The following LHFPL2 variants were observed in gnomAD, a reference collection of about 807,000 sequenced individuals.
LHFPL2 encodes the protein LHFPL tetraspan subfamily member 2 protein.
Under a neutral mutation model 17.5 loss-of-function variants are expected in LHFPL2, and 7 were observed. That is an observed-to-expected ratio of 0.40 (90% CI 0.23 to 0.75). LHFPL2 has a LOEUF of 0.75. LHFPL2 is among the 30% of genes least tolerant of loss of function. LHFPL2 has a pLI of 0.37. For missense variants in LHFPL2, 241 were observed against 294.8 expected, an observed-to-expected ratio of 0.82 and a Z score of 1.34; for synonymous variants, 134 against 116.2, an observed-to-expected ratio of 1.15 and a Z score of -0.99.
chr5:78,610,185 G>A (rs1387536611), intron 2 of LHFPL2, among the ~76,000 whole-genome samples: 4 of 152,084 alleles, frequency 2.6e-5, no homozygotes, highest in Non-Finnish European at 2.9e-5. Context: ...TGACACCCAC[G>A]CCACACTGTA....
intron 2 of LHFPL2, among the ~76,000 whole-genome samples, chr5:78,569,795 G>A (rs554672055): frequency 2.0e-5 from 3 of 152,258 alleles, no homozygotes; most frequent in South Asian, 4.1e-4. Flanking sequence ...CAAAGACCTC[G>A]CGGACTCTAA....
intron 2 of LHFPL2, among the ~76,000 whole-genome samples, chr5:78,611,848 T>C (rs775594121): frequency 6.6e-5 from 10 of 152,150 alleles, no homozygotes; most frequent in South Asian, 2.1e-4. Context: ...ACTCAGAATA[T>C]ACGGAGGCCA....
intron 2 of LHFPL2, among the ~76,000 whole-genome samples, chr5:78,616,822 C>T (rs1321842949): frequency 6.6e-6 from 1 of 152,186 alleles, no homozygotes; most frequent in Non-Finnish European, 1.5e-5. Flanking sequence ...GACTGGTTTG[C>T]ATTTCGGCAG....
At chr5:78,561,899 C>A (rs962526677) in intron 3 of LHFPL2, among the ~76,000 whole-genome samples, 1 of 152,052 alleles carries the variant, frequency 6.6e-6, no homozygotes, top group Non-Finnish European at 1.5e-5. Flanking sequence ...TAGTAGAGGC[C>A]CCTTATGCTA....
intron 3 of LHFPL2, among the ~76,000 whole-genome samples, chr5:78,523,774 GT>G: frequency 6.6e-6 from 1 of 152,280 alleles, no homozygotes; most frequent in Non-Finnish European, 1.5e-5. Context: ...GCGCGCTGCA[GT>G]TTCACTAGAT....
intron 4 of LHFPL2, among the ~76,000 whole-genome samples, chr5:78,504,195 G>A (rs1295138918): frequency 6.6e-6 from 1 of 152,160 alleles, no homozygotes; most frequent in Admixed American, 6.5e-5. Flanking sequence ...GAAGTCCTCA[G>A]GGCCTTGTGC....
intron 3 of LHFPL2, among the ~76,000 whole-genome samples, chr5:78,559,693 CCAT>C (rs1300077076): frequency 3.9e-5 from 6 of 152,142 alleles, no homozygotes; most frequent in Non-Finnish European, 8.8e-5. Flanking sequence ...GTCCAATTTA[CCAT>C]CGAGTAAAGG....
intron 2 of LHFPL2, among the ~76,000 whole-genome samples, chr5:78,587,551 G>A (rs1743460177): frequency 6.6e-6 from 1 of 152,220 alleles, no homozygotes; most frequent in Non-Finnish European, 1.5e-5. Context: ...AACTGTGCTT[G>A]AAACTTAATT....
intron 2 of LHFPL2, among the ~76,000 whole-genome samples, chr5:78,627,436 C>G (rs1020019306): frequency 5.9e-5 from 9 of 152,282 alleles, no homozygotes; most frequent in African/African-American, 1.7e-4. Context: ...GGAATGGTGC[C>G]AGCTGGTGGC....
intron 3 of LHFPL2, among the ~76,000 whole-genome samples, chr5:78,554,611 T>C (rs2112398933): frequency 6.6e-6 from 1 of 152,342 alleles, no homozygotes; most frequent in South Asian, 2.1e-4. Context: ...AGCCACTTGA[T>C]ACAGATAAGG....
intron 2 of LHFPL2, among the ~76,000 whole-genome samples, chr5:78,617,755 A>G (rs1380576349): frequency 6.6e-6 from 1 of 152,230 alleles, no homozygotes; most frequent in Non-Finnish European, 1.5e-5. Context: ...TACTCTCCAG[A>G]TTAAACAGAA....
At chr5:78,593,932 T>C (rs545689897) in intron 2 of LHFPL2, among the ~76,000 whole-genome samples, 2 of 152,350 alleles carry the variant, frequency 1.3e-5, no homozygotes, top group South Asian at 4.1e-4. Flanking sequence ...ATCTCATTCC[T>C]ATTCGTCTTC....
chr5:78,624,850 C>G (rs1744975211), intron 2 of LHFPL2: 1 of 151,170 alleles, frequency 6.6e-6, no homozygotes, highest in African/African-American at 2.4e-5. Flanking sequence ...GTCACCCAGG[C>G]TGGAGTACAG....
intron 3 of LHFPL2, among the ~76,000 whole-genome samples, chr5:78,517,834 G>T (rs1755336804): frequency 6.6e-6 from 1 of 152,176 alleles, no homozygotes; most frequent in African/African-American, 2.4e-5. Flanking sequence ...AGGTCCACTT[G>T]TCTGGTCCTA....
intron 3 of LHFPL2, among the ~76,000 whole-genome samples, chr5:78,531,664 G>C (rs1296409469): frequency 1.3e-5 from 2 of 152,108 alleles, no homozygotes; most frequent in African/African-American, 2.4e-5. Flanking sequence ...GGGTAGCAAT[G>C]GGCCCGGCTC....
intron 2 of LHFPL2, chr5:78,590,113 C>T (rs1743575376): frequency 6.6e-6 from 1 of 152,118 alleles, no homozygotes; most frequent in African/African-American, 2.4e-5. Context: ...TATACAAACA[C>T]CCACACTTTC....
chr5:78,632,907 C>T (rs1408495746), intron 1 of LHFPL2, among the ~76,000 whole-genome samples: 1 of 152,072 alleles, frequency 6.6e-6, no homozygotes, highest in Non-Finnish European at 1.5e-5. Flanking sequence ...AACTAGAGGG[C>T]AAGCAAAGAG....
intron 2 of LHFPL2, among the ~76,000 whole-genome samples, chr5:78,592,325 C>T (rs1385834801): frequency 6.6e-6 from 1 of 152,196 alleles, no homozygotes; most frequent in Non-Finnish European, 1.5e-5. Flanking sequence ...GTAGCCTCTG[C>T]AGATCCACAG....
At chr5:78,594,300 A>C (rs553248250) in intron 2 of LHFPL2, among the ~76,000 whole-genome samples, 1 of 152,324 alleles carries the variant, frequency 6.6e-6, no homozygotes, top group East Asian at 1.9e-4. Flanking sequence ...CTTTGTATAG[A>C]CATCCTCCGA....
Sources: allele counts gnomAD v4.1 joint callset (sites outside exome capture counted in the v4.1 genomes callset), GRCh38; gene constraint gnomAD v4.1.1; transcripts MANE v1.5; gene names NCBI Gene and HGNC (gene_info 2026-07-23, HGNC 2026-07-21).